Variants in DPCD observed in about 807,000 individuals in gnomAD.
DPCD encodes the protein protein DPCD.
A neutral mutation model predicts 26.4 loss-of-function variants in DPCD; 20 were observed. The ratio of observed to expected loss-of-function variants is 0.76; its 90% CI spans 0.53 to 1.10. DPCD has a LOEUF of 1.10. Among genes scored for constraint, DPCD ranks in the 50% least tolerant of loss-of-function variants. The pLI is 0.00. For synonymous variants in DPCD, 97 were observed against 94.2 expected (o/e 1.03, Z -0.17); for missense variants, 202 against 253.9 (o/e 0.80, Z 1.39).
Position 101,600,693 on chromosome 10 carries a change from A to C in DPCD, c.146-45A>C. 6.2e-7 allele frequency: 1 copy of C among 1,600,174 alleles called. No homozygotes were observed. The highest frequency in any genetic ancestry group is 8.5e-7 in the Non-Finnish European group (1 of 1,173,754). ...GAGCAGAGACCCTCTCTTCACTCTC[A>C]TCCTGATGCTTGCTTCTCATCCCGA... On this transcript the variant is annotated intron_variant, in intron 2 of 5. Transcript: ENST00000370151. The surrounding 1 kb of genome is among the most constrained non-coding windows in gnomAD (Gnocchi z 4.7).
intron 2 of DPCD, among the ~76,000 whole-genome samples, chr10:101,596,426 G>C (rs955820849): frequency 6.6e-6 from 1 of 152,220 alleles, no homozygotes; most frequent in African/African-American, 2.4e-5. Flanking sequence ...GAAGCTCAAA[G>C]AGGTTAAGCA....
chr10:101,608,397 C>T (rs2063747449), intron 4 of DPCD, among the ~76,000 whole-genome samples: 1 of 152,222 alleles, frequency 6.6e-6, no homozygotes, highest in Non-Finnish European at 1.5e-5. Flanking sequence ...AACAGTAGGG[C>T]CCCAGCTTTG....
chr10:101,588,492 G>C, intron 1 of DPCD, 92 bp downstream of exon 1: 1 of 1,523,856 alleles, frequency 6.6e-7, no homozygotes, highest in Non-Finnish European at 8.8e-7. Context: ...GGCAGAGCTG[G>C]AAGGGTCTCG....
intron 2 of DPCD, among the ~76,000 whole-genome samples, chr10:101,599,894 G>A (rs2063679977): frequency 1.3e-5 from 2 of 152,222 alleles, no homozygotes; most frequent in African/African-American, 4.8e-5. Context: ...GGAGGTCATG[G>A]CTCAGAAAAG....
intron 1 of DPCD, among the ~76,000 whole-genome samples, chr10:101,589,452 AATT>A (rs1436542517): frequency 2.6e-5 from 4 of 152,230 alleles, no homozygotes; most frequent in Non-Finnish European, 5.9e-5. Context: ...GGTCCTAAAG[AATT>A]AATAAGGTCA....
At chr10:101,593,076 G>A (rs1186172884) in intron 1 of DPCD, among the ~76,000 whole-genome samples, 1 of 151,880 alleles carries the variant, frequency 6.6e-6, no homozygotes, top group African/African-American at 2.4e-5. Context: ...TAGGATTATT[G>A]TGAGAATTAA....
chr10:101,607,487 C>T (rs1047997946), intron 4 of DPCD, among the ~76,000 whole-genome samples: 1 of 152,222 alleles, frequency 6.6e-6, no homozygotes, highest in African/African-American at 2.4e-5. Context: ...CTTTTCCTGC[C>T]ATGGGTCCCA....
At chr10:101,602,766 T>C (rs2063706858) in intron 4 of DPCD, among the ~76,000 whole-genome samples, 1 of 152,236 alleles carries the variant, frequency 6.6e-6, no homozygotes, top group Admixed American at 6.5e-5. Context: ...GTGCTTCTGA[T>C]AGCACTTGAA....
Position 101,601,348 on chromosome 10 carries a change from G to C in DPCD, c.404+12G>C. ...ACAACCAACAAGAAGTGAGTAGCGTGGAAGGCACCCTGTGTGCTTGTGTAT... is the reference window on the plus strand; with the variant it reads ...ACAACCAACAAGAAGTGAGTAGCGTCGAAGGCACCCTGTGTGCTTGTGTAT... On this transcript the variant is annotated intron_variant, in intron 4 of 5. Coordinates refer to ENST00000370151, the MANE Select transcript of DPCD (RefSeq NM_015448.3). 2 of 1,613,338 alleles carry C rather than the reference G, an allele frequency of 1.2e-6. No individual in the cohort carries two copies. Among genetic ancestry groups the C allele is most frequent in the Non-Finnish European group, 1.7e-6 (2 of 1,179,630 alleles).
At position 101,608,866 on chromosome 10, in the gene DPCD, G is replaced by C. The variant is rs373259366; in HGVS notation, c.436G>C (p.Asp146His). The part of the protein sequence containing the change: ...YYKKFSIPDL[D>H]RHQLPLDDAL... ...CAAGAAGTTCTCCATTCCTGATCTA[G>C]ATAGACACCAGCTACCTCTGGATGA... is the stretch of plus-strand genomic sequence containing the variant. The change falls in exon 5 of 6, where the codon GAT (aspartate) becomes CAT (histidine). Residue 146 changes from aspartate (D) to histidine (H), a missense_variant. Physicochemically the swap from Asp to His is moderately conservative, Grantham distance 81. This residue lies in a region of DPCD where 118 missense variants were observed against 145.1 expected (regional missense o/e 0.81). Transcript: ENST00000370151. The C allele has an allele frequency of 1.3e-5, 21 of 1,613,690 alleles. No individual in the cohort carries two copies. The African/African-American group carries it at 2.7e-4, about 21-fold the overall frequency.
At chr10:101,592,013 T>G (rs1288241650) in intron 1 of DPCD, among the ~76,000 whole-genome samples, 2 of 151,908 alleles carry the variant, frequency 1.3e-5, no homozygotes, top group Non-Finnish European at 2.9e-5. Flanking sequence ...TACATAAACT[T>G]CTATATTATT....
chr10:101,590,811 A>G (rs1447538898), intron 1 of DPCD, among the ~76,000 whole-genome samples: 3 of 151,920 alleles, frequency 2.0e-5, no homozygotes, highest in Non-Finnish European at 2.9e-5. Context: ...CCTGGCAACC[A>G]CCATTCTACT....
chr10:101,594,865 G>A (rs768390387), intron 2 of DPCD, 127 bp downstream of exon 2: 57 of 844,382 alleles, frequency 6.8e-5, no homozygotes, highest in Non-Finnish European at 1.0e-4. Flanking sequence ...AGAGACGGAA[G>A]CCCTCGAGAC....
rs2063637346 is a variant in DPCD, at chr10:101,594,699, A to G, written c.106A>G (p.Met36Val). ...VHYLFPDGKE[M>V]AEEYDEKTSE... ...CTATTTATTCCCAGACGGCAAGGAAATGGCTGAAGAATATGACGAGAAGAC... is the reference window on the plus strand; with the variant it reads ...CTATTTATTCCCAGACGGCAAGGAAGTGGCTGAAGAATATGACGAGAAGAC... Residue 36 changes from methionine to valine, a missense_variant, in exon 2 of 6, where the codon ATG becomes GTG. Physicochemically the swap from Met to Val is conservative, Grantham distance 21 (BLOSUM62 1). Coordinates refer to ENST00000370151, the MANE Select transcript of DPCD (RefSeq NM_015448.3). 1 of 1,614,106 alleles carries G rather than the reference A, an allele frequency of 6.2e-7. No homozygotes were observed. The highest frequency in any genetic ancestry group is 8.5e-7 in the Non-Finnish European group (1 of 1,180,042).
At chr10:101,591,027 A>G (rs796954193) in intron 1 of DPCD, among the ~76,000 whole-genome samples, 14 of 152,304 alleles carry the variant, frequency 9.2e-5, no homozygotes, top group African/African-American at 1.9e-4. Flanking sequence ...TCCAGCTGTA[A>G]TATCGTTCAT....
intron 1 of DPCD, among the ~76,000 whole-genome samples, chr10:101,589,495 C>G (rs939427275): frequency 2.6e-5 from 4 of 152,232 alleles, no homozygotes; most frequent in African/African-American, 7.2e-5. Flanking sequence ...GTAATTCCAG[C>G]ACTCTGGGAG....
chr10:101,594,513 G>A, intron 1 of DPCD, 145 bp from the exon 2 acceptor site: 1 of 698,578 alleles, frequency 1.4e-6, no homozygotes, highest in Non-Finnish European at 2.6e-6. Context: ...ATGGTGGGTG[G>A]TGGTTGGCAA....
At chr10:101,609,215 C>T in intron 5 of DPCD, 152 bp from the exon 6 acceptor site, 1 of 742,374 alleles carries the variant, frequency 1.3e-6, no homozygotes, top group Non-Finnish European at 2.2e-6. Flanking sequence ...TGCTCCTACT[C>T]AGGCACATGA....
chr10:101,609,181 C>T (rs1589731580), intron 5 of DPCD, 186 bp from the exon 6 acceptor site: 2 of 661,018 alleles, frequency 3.0e-6, no homozygotes, highest in Non-Finnish European at 5.2e-6. Context: ...AATTGCTGAA[C>T]TTGGGTTCTT....
Sources: allele counts gnomAD v4.1 joint callset (sites outside exome capture counted in the v4.1 genomes callset), GRCh38; gene constraint gnomAD v4.1.1; regional missense constraint gnomAD v4.1.1; non-coding constraint Gnocchi (gnomAD v3.1); transcripts MANE v1.5; gene names NCBI Gene and HGNC (gene_info 2026-07-23, HGNC 2026-07-21).